RBFOX1: variants seen among roughly 807,000 people sequenced by gnomAD.
RBFOX1 encodes RNA binding protein fox-1 homolog 1.
In RBFOX1, 8 loss-of-function variants were observed where a neutral mutation model predicts 57.7. The observed-to-expected ratio is 0.14, with a 90% CI of 0.08 to 0.25. RBFOX1 has a LOEUF of 0.25. RBFOX1 is among the 10% of genes least tolerant of loss of function. The pLI is 1.00. For missense variants in RBFOX1, 611 were observed against 548.5 expected, an observed-to-expected ratio of 1.11 and a Z score of -1.14; for synonymous variants, 326 against 222.4, an observed-to-expected ratio of 1.47 and a Z score of -4.15.
At chr16:7,025,505 A>G (rs941906333) in intron 3 of RBFOX1, among the ~76,000 whole-genome samples, 6 of 152,166 alleles carry the variant, frequency 3.9e-5, no homozygotes, top group African/African-American at 1.2e-4. Flanking sequence ...CCCAGCCCCT[A>G]TGGAAGATGG....
intron 2 of RBFOX1, among the ~76,000 whole-genome samples, chr16:6,504,169 C>T (rs1454787143): frequency 6.6e-6 from 1 of 152,154 alleles, no homozygotes; most frequent in African/African-American, 2.4e-5. Context: ...CTGGATAAAG[C>T]ACCATGTATC....
At chr16:5,640,615 C>G (rs950403636) in intron 3 of RBFOX1, among the ~76,000 whole-genome samples, 1 of 151,938 alleles carries the variant, frequency 6.6e-6, no homozygotes, top group African/African-American at 2.4e-5. Context: ...CATGCGCATA[C>G]ATATGCACAC....
intron 2 of RBFOX1, among the ~76,000 whole-genome samples, chr16:6,430,935 G>A (rs1044432987): frequency 1.1e-4 from 17 of 148,856 alleles, no homozygotes; most frequent in East Asian, 7.9e-4. Flanking sequence ...GTTCGAGACC[G>A]GCATGGGCAA....
At chr16:7,526,934 T>A (rs1199754247) in intron 5 of RBFOX1, among the ~76,000 whole-genome samples, 5 of 152,214 alleles carry the variant, frequency 3.3e-5, no homozygotes, top group African/African-American at 1.2e-4. Context: ...CCCCCAGGCA[T>A]GCCCAGCCAC....
chr16:6,451,837 T>C (rs1266925309), intron 2 of RBFOX1, among the ~76,000 whole-genome samples: 24 of 144,828 alleles, frequency 1.7e-4, no homozygotes, highest in Middle Eastern at 8.5e-3. Flanking sequence ...TCCATGGCTC[T>C]TTCCTTCCAT....
At chr16:6,245,861 C>T (rs528408968) in intron 1 of RBFOX1, among the ~76,000 whole-genome samples, 8 of 152,268 alleles carry the variant, frequency 5.3e-5, no homozygotes, top group East Asian at 1.9e-4. Context: ...TCAGGATCTC[C>T]GCTTGGTTTT....
At chr16:6,392,343 G>A (rs1242940423) in intron 2 of RBFOX1, among the ~76,000 whole-genome samples, 1 of 152,180 alleles carries the variant, frequency 6.6e-6, no homozygotes, top group Non-Finnish European at 1.5e-5. Context: ...CTAGGTAATT[G>A]TTTGTCTCCT....
chr16:7,203,030 C>G lies in RBFOX1; in HGVS notation c.27+150932C>G, dbSNP rs989910051. On this transcript the variant is annotated intron_variant, in intron 4 of 15. Transcript: ENST00000550418. ...CTGGATCTCCTGACCTCGTGATCCGCCTGCCTCGGCCTCCCAAAGTGCTGG... is the reference window on the plus strand; with the variant it reads ...CTGGATCTCCTGACCTCGTGATCCGGCTGCCTCGGCCTCCCAAAGTGCTGG... Among the ~76,000 whole-genome samples, 3 of 152,160 alleles carry G rather than the reference C, an allele frequency of 2.0e-5. No homozygotes were observed. The East Asian group carries it at 5.8e-4, about 29-fold the overall frequency.
At chr16:5,349,493 G>T (rs933132698) in intron 1 of RBFOX1, among the ~76,000 whole-genome samples, 1 of 152,080 alleles carries the variant, frequency 6.6e-6, no homozygotes, top group Non-Finnish European at 1.5e-5. Flanking sequence ...GGCCAACATG[G>T]CGATCCTATC....
chr16:7,649,138 T>G (rs2064388848), intron 11 of RBFOX1, among the ~76,000 whole-genome samples: 1 of 152,004 alleles, frequency 6.6e-6, no homozygotes, highest in African/African-American at 2.4e-5. Flanking sequence ...GTACAGCTAC[T>G]CCATAGACAG....
At chr16:6,440,853 A>C (rs1005112313) in intron 2 of RBFOX1, among the ~76,000 whole-genome samples, 1 of 151,580 alleles carries the variant, frequency 6.6e-6, no homozygotes, top group African/African-American at 2.4e-5. Flanking sequence ...GGTGATATCG[A>C]ATGAGTCCAG....
At chr16:5,853,465 G>T (rs2056946929) in intron 3 of RBFOX1, among the ~76,000 whole-genome samples, 1 of 152,316 alleles carries the variant, frequency 6.6e-6, no homozygotes, top group Non-Finnish European at 1.5e-5. Context: ...GCCTGAGTCG[G>T]ACACAGGCCC....
At chr16:5,841,188 G>C (rs1162343012) in intron 3 of RBFOX1, among the ~76,000 whole-genome samples, 1 of 152,170 alleles carries the variant, frequency 6.6e-6, no homozygotes, top group East Asian at 1.9e-4. Flanking sequence ...TATAGAGTAG[G>C]TACTGTTATC....
At chr16:7,253,380 T>A (rs1311391055) in intron 4 of RBFOX1, among the ~76,000 whole-genome samples, 3 of 152,170 alleles carry the variant, frequency 2.0e-5, no homozygotes, top group African/African-American at 7.2e-5. Context: ...TCACTCTAAC[T>A]GCTTTGCATG....
intron 1 of RBFOX1, among the ~76,000 whole-genome samples, chr16:6,282,800 C>T (rs1417380443): frequency 1.3e-5 from 2 of 152,256 alleles, no homozygotes; most frequent in African/African-American, 2.4e-5. Context: ...GTCTTCAGAA[C>T]CAAGGAGAGC....
chr16:6,568,008 G>GGT (rs1175356088), intron 2 of RBFOX1, among the ~76,000 whole-genome samples: 1 of 152,078 alleles, frequency 6.6e-6, no homozygotes, highest in Non-Finnish European at 1.5e-5. Flanking sequence ...TCTTTGTAGA[G>GGT]GTAGGGTCTG....
At chr16:6,683,514 CTATATA>C (rs961994534) in intron 3 of RBFOX1, among the ~76,000 whole-genome samples, 1 of 151,962 alleles carries the variant, frequency 6.6e-6, no homozygotes, top group African/African-American at 2.4e-5. Context: ...ATAAACAAAA[CTATATA>C]TATATGTATA....
chr16:5,422,879 A>C (rs146414966), intron 1 of RBFOX1, among the ~76,000 whole-genome samples: 292 of 109,596 alleles, frequency 2.7e-3, no homozygotes, highest in Non-Finnish European at 3.0e-3. Flanking sequence ...GAAGATGAGT[A>C]GGGAGTGGGA....
chr16:7,103,984 A>G (rs755818346), intron 4 of RBFOX1, among the ~76,000 whole-genome samples: 1 of 152,184 alleles, frequency 6.6e-6, no homozygotes, highest in African/African-American at 2.4e-5. Context: ...CTTGCTCCCT[A>G]TTATTAACAA....
Sources: gnomAD v4.1 joint callset for allele counts (sites outside exome capture counted in the v4.1 genomes callset) on GRCh38, gnomAD v4.1.1 for gene constraint, MANE v1.5 for transcripts, NCBI Gene and HGNC (gene_info 2026-07-23, HGNC 2026-07-21) for gene names.